TMEM41B: variants seen among roughly 807,000 people sequenced by gnomAD.
TMEM41B encodes the protein transmembrane protein 41B.
In TMEM41B, 18 loss-of-function variants were observed where a neutral mutation model predicts 31.9. The observed-to-expected ratio is 0.56, with a 90% CI of 0.39 to 0.84. The LOEUF (loss-of-function observed/expected upper bound fraction) is 0.84. Among genes scored for constraint, TMEM41B ranks in the 40% least tolerant of loss-of-function variants. The pLI is 0.00. For missense variants in TMEM41B, 322 were observed against 348.0 expected (o/e 0.93, Z 0.59); for synonymous variants, 144 against 124.3 (o/e 1.16, Z -1.05).
chr11:9,311,414 A>G, intron 1 of TMEM41B: 1 of 1,400,138 alleles, frequency 7.1e-7, no homozygotes, highest in Non-Finnish European at 1.0e-6. Context: ...GAGCCAAGGG[A>G]CTCACAGGAG....
chr11:9,307,855 C>A (rs1322893679), intron 1 of TMEM41B, among the ~76,000 whole-genome samples: 1 of 152,126 alleles, frequency 6.6e-6, no homozygotes, highest in East Asian at 1.9e-4. Flanking sequence ...ACGCCATTCT[C>A]CTGCCTCAGC....
At chr11:9,287,933 T>C in intron 4 of TMEM41B, 127 bp from the exon 5 acceptor site, 3 of 711,452 alleles carry the variant, frequency 4.2e-6, no homozygotes, top group Non-Finnish European at 7.2e-6. Flanking sequence ...CTGCATGACA[T>C]CTCTTGTGCA....
chr11:9,287,814 A>G lies in TMEM41B; in HGVS notation c.463-8T>C. ...GGCACCAAGTCCAGAACACTGGAAA[A>G]CAAAAGAAGCCATAAGCGTTTTGTA... On this transcript the variant is annotated splice_region_variant and splice_polypyrimidine_tract_variant and intron_variant, in intron 4 of 6. Coordinates refer to ENST00000528080, the MANE Select transcript of TMEM41B (RefSeq NM_015012.4). 6.3e-7 allele frequency: 1 copy of G among 1,594,042 alleles called. No homozygotes were observed. The highest frequency in any genetic ancestry group is 8.6e-7 in the Non-Finnish European group (1 of 1,167,378).
intron 1 of TMEM41B, among the ~76,000 whole-genome samples, chr11:9,308,173 C>T (rs1853447741): frequency 6.6e-6 from 1 of 152,008 alleles, no homozygotes; most frequent in African/African-American, 2.4e-5. Flanking sequence ...ATGGTAAAAC[C>T]CTCTACTAAA....
chr11:9,292,634 C>T (rs1478908749), intron 3 of TMEM41B, among the ~76,000 whole-genome samples: 1 of 151,950 alleles, frequency 6.6e-6, no homozygotes, highest in East Asian at 1.9e-4. Context: ...AGTTCGAGAC[C>T]AGCCTGGGCA....
Position 9,282,567 on chromosome 11 carries a change from A to G in TMEM41B, c.*857T>C, listed in dbSNP as rs1475339490. The G allele has an allele frequency of 2.0e-5, 3 of 152,158 alleles. No homozygotes were observed. Among genetic ancestry groups the G allele is most frequent in the Admixed American group, 6.6e-5 (1 of 15,248 alleles). The allele number at this position is 152,158 out of a possible 1,614,324, so 9.4% of individuals were successfully genotyped here. A position where few individuals can be genotyped will look rare whatever the true frequency, so the allele number is the denominator to read the frequency against. On this transcript the variant is annotated 3_prime_UTR_variant, in exon 7 of 7. Transcript: ENST00000528080. ...AACAAAAATAAAATTAACAAAATAG[A>G]TAACTTGATATCCTTTCCATATTCA...
chr11:9,295,282 T>C lies in TMEM41B; in HGVS notation c.345A>G (p.Val115=). 4.4e-6 allele frequency: 7 copies of C among 1,578,584 alleles called. No homozygotes were observed. Among genetic ancestry groups the C allele is most frequent in the Non-Finnish European group, 6.0e-6 (7 of 1,157,234 alleles). Residue 115 remains valine (V), a synonymous_variant, in exon 3 of 7, where the codon GTA becomes GTG. Transcript: ENST00000528080. ...YKDTFYVQVL[V]AYFATYIFLQ... is the part of the protein sequence containing the mutation. ...ACAAAATATATGTAGCAAAATAAGC[T>C]ACAAGTACTTGAACATAAAAGGTGT...
At chr11:9,304,664 A>AT (rs569449114) in intron 1 of TMEM41B, among the ~76,000 whole-genome samples, 22,291 of 146,022 alleles carry the variant, frequency 0.15, 1,864 homozygotes, top group Non-Finnish European at 0.2. Context: ...TAATTAATTA[A>AT]TTTTTTTTTT....
rs935444744 is a variant in TMEM41B, at chr11:9,281,333, A to C, written c.*2091T>G. 1 of 152,240 alleles carries C rather than the reference A, an allele frequency of 6.6e-6. No individual in the cohort carries two copies. Among genetic ancestry groups the C allele is most frequent in the African/African-American group, 2.4e-5 (1 of 41,468 alleles). The allele number at this position is 152,240 out of a possible 1,614,324, so 9.4% of individuals were successfully genotyped here. On this transcript the variant is annotated 3_prime_UTR_variant, in exon 7 of 7. Transcript: ENST00000528080. ...AGTCTCTGGGCAATAAGAAAGGAAGAAAGCCTTGCTAGAAATAATAAATAA... is the reference window on the plus strand; with the variant it reads ...AGTCTCTGGGCAATAAGAAAGGAAGCAAGCCTTGCTAGAAATAATAAATAA...
At position 9,281,178 on chromosome 11, in the gene TMEM41B, C is replaced by T. The variant is rs1185359857; in HGVS notation, c.*2246G>A. On this transcript the variant is annotated 3_prime_UTR_variant, in exon 7 of 7. Transcript: ENST00000528080. ...AAGCTTCTACTGAGTTCTACTGAGT[C>T]TAAGCTCTTTTATTTTTAAAATTCT... 6.6e-6 allele frequency: 1 copy of T among 152,096 alleles called. No homozygotes were observed. Among genetic ancestry groups the T allele is most frequent in the African/African-American group, 2.4e-5 (1 of 41,414 alleles). 9.4% of individuals were successfully genotyped at this position (152,096 alleles called of 1,614,324 possible). A position where few individuals can be genotyped will look rare whatever the true frequency, so the allele number is the denominator to read the frequency against.
intron 1 of TMEM41B, among the ~76,000 whole-genome samples, chr11:9,312,487 C>A (rs1271519973): frequency 1.3e-5 from 2 of 152,122 alleles, no homozygotes; most frequent in Non-Finnish European, 2.9e-5. Flanking sequence ...GGTGACACAG[C>A]GAGGCCTTGT....
In TMEM41B at chr11:9,313,858, G is replaced by A. The variant is rs182308542; in HGVS notation, c.121+463C>T. 2.6e-4 allele frequency among the ~76,000 whole-genome samples: 40 copies of A among 152,194 alleles called. No individual in the cohort carries two copies. The East Asian group carries it at 7.5e-3, about 29-fold the overall frequency. On this transcript the variant is annotated intron_variant, in intron 1 of 6. Transcript: ENST00000528080. ...GGTTCCAAGTAAACAGTAGGGCAGG[G>A]ACTCAAGCCCAGGTGTACTGCCACC...
At chr11:9,298,033 C>A (rs562095208) in intron 2 of TMEM41B, among the ~76,000 whole-genome samples, 1 of 130,818 alleles carries the variant, frequency 7.6e-6, no homozygotes, top group South Asian at 2.4e-4. Flanking sequence ...CACTACACTT[C>A]AGCCTGGGTA....
intron 1 of TMEM41B, among the ~76,000 whole-genome samples, chr11:9,306,150 T>C (rs893863174): frequency 6.6e-5 from 10 of 151,760 alleles, no homozygotes; most frequent in Non-Finnish European, 7.4e-5. Context: ...AGCTAATTTT[T>C]GTATTTTTAG....
chr11:9,307,362 C>T (rs1373875443), intron 1 of TMEM41B, among the ~76,000 whole-genome samples: 2 of 151,980 alleles, frequency 1.3e-5, no homozygotes, highest in Non-Finnish European at 2.9e-5. Flanking sequence ...TTTATTTCAA[C>T]GGTCTTAAAC....
At chr11:9,311,859 T>G (rs1169839319) in intron 1 of TMEM41B, among the ~76,000 whole-genome samples, 1 of 152,244 alleles carries the variant, frequency 6.6e-6, no homozygotes, top group Non-Finnish European at 1.5e-5. Flanking sequence ...CACAGTCTAC[T>G]AGGCTTAGCT....
chr11:9,311,674 C>T, intron 1 of TMEM41B: 1 of 800,742 alleles, frequency 1.2e-6, no homozygotes, highest in Non-Finnish European at 2.2e-6. Flanking sequence ...GGCTGCCTGG[C>T]ACTGGGATTC....
At chr11:9,301,884 A>C (rs1436943539) in intron 1 of TMEM41B, among the ~76,000 whole-genome samples, 1 of 152,152 alleles carries the variant, frequency 6.6e-6, no homozygotes, top group Admixed American at 6.6e-5. Flanking sequence ...AAACCCAGAG[A>C]AGCAGAATTG....
chr11:9,304,414 TA>T (rs1853332845), intron 1 of TMEM41B, among the ~76,000 whole-genome samples: 1 of 152,206 alleles, frequency 6.6e-6, no homozygotes, highest in South Asian at 2.1e-4. Flanking sequence ...CAGGGTGTAC[TA>T]AATCCAATTG....
Sources: gnomAD v4.1 joint callset for allele counts (sites outside exome capture counted in the v4.1 genomes callset) on GRCh38, gnomAD v4.1.1 for gene constraint, MANE v1.5 for transcripts, NCBI Gene and HGNC (gene_info 2026-07-23, HGNC 2026-07-21) for gene names.